UVRAG: variants seen among roughly 807,000 people sequenced by gnomAD.
The protein encoded by UVRAG is UV radiation resistance-associated gene protein.
UVRAG carries 19 observed loss-of-function variants against 78.0 expected under a neutral mutation model. That is an observed-to-expected ratio of 0.24 (90% CI 0.17 to 0.36). UVRAG has a LOEUF of 0.36. UVRAG is among the 10% of genes least tolerant of loss of function. UVRAG has a pLI of 1.00. For synonymous variants in UVRAG, 323 were observed against 324.6 expected (o/e 1.00, Z 0.05); for missense variants, 740 against 853.8 (o/e 0.87, Z 1.66).
intron 5 of UVRAG, chr11:75,911,191 CT>C: frequency 6.4e-6 from 1 of 156,704 alleles, no homozygotes; most frequent in Admixed American, 6.5e-5. Flanking sequence ...AGGATACCTC[CT>C]TCTCTCAAAC....
intron 1 of UVRAG, among the ~76,000 whole-genome samples, chr11:75,818,245 G>A (rs1323604081): frequency 1.3e-5 from 2 of 151,930 alleles, no homozygotes; most frequent in Admixed American, 6.6e-5. Context: ...AAATGGAGTT[G>A]TGCAAAATGT....
chr11:76,128,961 A>G (rs532920587), intron 14 of UVRAG, among the ~76,000 whole-genome samples: 2 of 152,340 alleles, frequency 1.3e-5, no homozygotes, highest in African/African-American at 4.8e-5. Context: ...AGCAATCTAT[A>G]ATAATAGTTA....
At chr11:76,066,173 C>T (rs908910734) in intron 13 of UVRAG, among the ~76,000 whole-genome samples, 1 of 152,168 alleles carries the variant, frequency 6.6e-6, no homozygotes, top group Admixed American at 6.5e-5. Flanking sequence ...AGTTCAGTGC[C>T]TTTGCAAGTA....
chr11:76,037,563 A>AT (rs1950558699), intron 12 of UVRAG, among the ~76,000 whole-genome samples: 3 of 146,886 alleles, frequency 2.0e-5, no homozygotes, highest in African/African-American at 7.8e-5. Flanking sequence ...AAAAAAAAAA[A>AT]TCAGCTGGGC....
At chr11:76,035,937 A>T (rs1327442424) in intron 12 of UVRAG, among the ~76,000 whole-genome samples, 1 of 152,166 alleles carries the variant, frequency 6.6e-6, no homozygotes, top group Admixed American at 6.5e-5. Flanking sequence ...ACATTGCAAG[A>T]TTCATTAGGT....
At chr11:75,830,879 A>C (rs1225253737) in intron 1 of UVRAG, among the ~76,000 whole-genome samples, 1 of 152,214 alleles carries the variant, frequency 6.6e-6, no homozygotes, top group Non-Finnish European at 1.5e-5. Flanking sequence ...AGTGGTTAAG[A>C]ATATGGACAC....
intron 13 of UVRAG, among the ~76,000 whole-genome samples, chr11:76,101,141 G>C (rs1349860747): frequency 5.3e-5 from 8 of 152,026 alleles, no homozygotes; most frequent in Non-Finnish European, 1.2e-4. Context: ...TGAATTTCTG[G>C]GTCGAATGGT....
intron 12 of UVRAG, among the ~76,000 whole-genome samples, chr11:76,026,942 A>G (rs1010685286): frequency 5.3e-5 from 8 of 152,014 alleles, no homozygotes; most frequent in Non-Finnish European, 1.0e-4. Flanking sequence ...TAATTACCTA[A>G]CAGTACACCA....
chr11:76,099,761 T>C (rs1217779286), intron 13 of UVRAG, among the ~76,000 whole-genome samples: 1 of 152,130 alleles, frequency 6.6e-6, no homozygotes, highest in African/African-American at 2.4e-5. Context: ...TTCTAATTCA[T>C]TGTTATTTAT....
At chr11:76,109,397 C>T (rs893464730) in intron 13 of UVRAG, among the ~76,000 whole-genome samples, 4 of 152,232 alleles carry the variant, frequency 2.6e-5, no homozygotes, top group Admixed American at 6.5e-5. Context: ...CAGCTTAGCA[C>T]TCTTAGCCCT....
Position 75,824,874 on chromosome 11 carries a change from C to T in UVRAG, c.117+9350C>T, listed in dbSNP as rs931747096. On this transcript the variant is annotated intron_variant, in intron 1 of 14. Coordinates refer to ENST00000356136, the MANE Select transcript of UVRAG (RefSeq NM_003369.4). ...ATTTTTAGTAGAGATGGGGTTTCAC[C>T]GTGTTAGCCAGGATGGTCTCGATCT... Among the ~76,000 whole-genome samples, 4 of 151,960 alleles carry T rather than the reference C, an allele frequency of 2.6e-5. No homozygotes were observed. In the East Asian group the frequency reaches 5.8e-4, roughly 22 times the overall value.
chr11:75,988,651 G>T (rs1463873908), intron 8 of UVRAG, among the ~76,000 whole-genome samples: 1 of 152,200 alleles, frequency 6.6e-6, no homozygotes. Flanking sequence ...TAGTAAATGT[G>T]TGTTTAACTT....
At chr11:76,023,492 C>T (rs1367704975) in intron 12 of UVRAG, among the ~76,000 whole-genome samples, 1 of 141,414 alleles carries the variant, frequency 7.1e-6, no homozygotes, top group African/African-American at 3.1e-5. Context: ...ACTGCTTGAA[C>T]ATTTGTTAGC....
At chr11:75,870,932 C>T (rs989164694) in intron 3 of UVRAG, among the ~76,000 whole-genome samples, 2 of 148,432 alleles carry the variant, frequency 1.3e-5, no homozygotes, top group Non-Finnish European at 1.5e-5. Context: ...TGCAATGGCG[C>T]GATCCCGGCT....
At chr11:76,133,138 TAG>T (rs2134503020) in intron 14 of UVRAG, among the ~76,000 whole-genome samples, 1 of 152,356 alleles carries the variant, frequency 6.6e-6, no homozygotes, top group South Asian at 2.1e-4. Flanking sequence ...TTATAAATTT[TAG>T]TTGCCGTTTT....
At chr11:76,018,534 G>GTGCC (rs1217457928) in intron 12 of UVRAG, among the ~76,000 whole-genome samples, 10 of 151,904 alleles carry the variant, frequency 6.6e-5, no homozygotes, top group Admixed American at 4.6e-4. Context: ...TCAGCCTCCC[G>GTGCC]AGTAGCTGGG....
intron 12 of UVRAG, among the ~76,000 whole-genome samples, chr11:76,053,342 C>CAA (rs1375011507): frequency 3.3e-5 from 5 of 150,400 alleles, no homozygotes; most frequent in South Asian, 4.2e-4. Context: ...CACACACACA[C>CAA]AAAAATAAAT....
intron 6 of UVRAG, among the ~76,000 whole-genome samples, chr11:75,936,995 ATCT>A (rs1565388312): frequency 6.6e-6 from 1 of 152,126 alleles, no homozygotes; most frequent in African/African-American, 2.4e-5. Flanking sequence ...GTCTCAAGTG[ATCT>A]TCTGTTCTCA....
intron 14 of UVRAG, among the ~76,000 whole-genome samples, chr11:76,119,888 A>G (rs1295538559): frequency 6.6e-6 from 1 of 152,194 alleles, no homozygotes; most frequent in Non-Finnish European, 1.5e-5. Flanking sequence ...GGCAAGAGTG[A>G]AATCCAAGTT....
Sources: gnomAD v4.1 joint callset for allele counts (sites outside exome capture counted in the v4.1 genomes callset) on GRCh38, gnomAD v4.1.1 for gene constraint, MANE v1.5 for transcripts, NCBI Gene and HGNC (gene_info 2026-07-23, HGNC 2026-07-21) for gene names.